The following ADGRL3 variants were observed in gnomAD, a reference collection of about 807,000 sequenced individuals.
The protein encoded by ADGRL3 is adhesion G protein-coupled receptor L3.
ADGRL3 carries 62 observed loss-of-function variants against 153.5 expected under a neutral mutation model. The observed-to-expected ratio is 0.40, with a 90% CI of 0.33 to 0.50. ADGRL3 has a LOEUF of 0.50. Ranked by LOEUF, ADGRL3 falls within the 20% of genes least tolerant of loss-of-function variation. The pLI is 0.47. For synonymous variants in ADGRL3, 710 were observed against 672.5 expected, an observed-to-expected ratio of 1.06 and a Z score of -0.86; for missense variants, 1,641 against 1,859.4, an observed-to-expected ratio of 0.88 and a Z score of 2.16.
At chr4:61,936,621 T>TA (rs1352407566) in intron 15 of ADGRL3, among the ~76,000 whole-genome samples, 1 of 152,010 alleles carries the variant, frequency 6.6e-6, no homozygotes, top group Non-Finnish European at 1.5e-5. Context: ...TCACTAATAT[T>TA]AAAAAATGTT....
At chr4:61,653,166 TCTCTCACACACA>T (rs1172292835) in intron 5 of ADGRL3, among the ~76,000 whole-genome samples, 3,041 of 135,048 alleles carry the variant, frequency 0.023, 96 homozygotes, top group African/African-American at 0.082. Context: ...TCTCTCTCTC[TCTCTCACACACA>T]CACACACACA....
intron 5 of ADGRL3, among the ~76,000 whole-genome samples, chr4:61,664,103 T>C (rs2094701675): frequency 6.6e-6 from 1 of 152,316 alleles, no homozygotes; most frequent in East Asian, 1.9e-4. Context: ...GATCTATACC[T>C]GCACAGTATC....
chr4:61,550,996 G>A (rs968808815), intron 4 of ADGRL3, among the ~76,000 whole-genome samples: 1 of 152,108 alleles, frequency 6.6e-6, no homozygotes, highest in Non-Finnish European at 1.5e-5. Context: ...CAGCTTGTAT[G>A]TGTATGTGTG....
intron 11 of ADGRL3, among the ~76,000 whole-genome samples, chr4:61,900,626 A>G (rs1007030114): frequency 6.6e-6 from 1 of 152,160 alleles, no homozygotes; most frequent in South Asian, 2.1e-4. Flanking sequence ...AATGAGATAG[A>G]GAAAAAAGAG....
At chr4:61,586,920 T>C (rs2149351557) in intron 4 of ADGRL3, among the ~76,000 whole-genome samples, 1 of 152,172 alleles carries the variant, frequency 6.6e-6, no homozygotes, top group East Asian at 1.9e-4. Context: ...CTGGATGATA[T>C]TTCTATCTAG....
chr4:61,391,855 C>CTTTTTTT lies in ADGRL3; in HGVS notation c.-174+8682_-174+8688dup, dbSNP rs869176171. 1.9e-4 allele frequency among the ~76,000 whole-genome samples: 18 copies of CTTTTTTT among 93,630 alleles called. 3 individuals are homozygous for CTTTTTTT. The highest frequency in any genetic ancestry group is 3.9e-4 in the South Asian group (1 of 2,580). The allele number at this position is 93,630 out of a possible 152,430, so 61.4% of individuals were successfully genotyped here. On this transcript the variant is annotated intron_variant, in intron 2 of 26. Coordinates refer to ENST00000683033, the MANE Select transcript of ADGRL3 (RefSeq NM_001387552.1). ...AAAATTATCCAAGTGAAAAATGCTA[C>CTTTTTTT]TTTTTTTTTTTTTTTTTTTTTTGAG...
At chr4:62,008,297 G>A (rs920484646) in intron 21 of ADGRL3, among the ~76,000 whole-genome samples, 1 of 152,000 alleles carries the variant, frequency 6.6e-6, no homozygotes, top group African/African-American at 2.4e-5. Context: ...TTTTAATTTG[G>A]TAAGAATACA....
intron 3 of ADGRL3, among the ~76,000 whole-genome samples, chr4:61,505,228 G>A (rs1049538185): frequency 3.3e-5 from 5 of 152,004 alleles, no homozygotes; most frequent in Non-Finnish European, 7.4e-5. Flanking sequence ...TCATTTACCC[G>A]TTGATCATTT....
chr4:61,869,991 G>GAAA (rs2098433593), intron 9 of ADGRL3, among the ~76,000 whole-genome samples: 1 of 80,934 alleles, frequency 1.2e-5, no homozygotes, highest in African/African-American at 4.1e-5. Flanking sequence ...AGAGAGAGAG[G>GAAA]GAGAGAGAGA....
chr4:61,446,963 T>C (rs950934360), intron 2 of ADGRL3, among the ~76,000 whole-genome samples: 2 of 152,152 alleles, frequency 1.3e-5, no homozygotes, highest in Non-Finnish European at 2.9e-5. Context: ...CTTGTATGCA[T>C]ACCCCTGCTC....
At chr4:61,477,595 A>T (rs1464535538) in intron 2 of ADGRL3, among the ~76,000 whole-genome samples, 1 of 152,166 alleles carries the variant, frequency 6.6e-6, no homozygotes, top group African/African-American at 2.4e-5. Context: ...TCTCTGAGAC[A>T]TTTGGCTAAT....
At chr4:61,645,885 C>A (rs1271021833) in intron 5 of ADGRL3, among the ~76,000 whole-genome samples, 1 of 152,170 alleles carries the variant, frequency 6.6e-6, no homozygotes, top group African/African-American at 2.4e-5. Flanking sequence ...GAGTGTTTTC[C>A]AACTTGGTTC....
intron 1 of ADGRL3, among the ~76,000 whole-genome samples, chr4:61,375,181 T>C (rs1284416019): frequency 6.6e-6 from 1 of 152,128 alleles, no homozygotes; most frequent in Non-Finnish European, 1.5e-5. Context: ...CTGTAGAAGG[T>C]ATTTGGTAGC....
chr4:61,401,919 A>G (rs1003124240), intron 2 of ADGRL3, among the ~76,000 whole-genome samples: 7 of 152,060 alleles, frequency 4.6e-5, no homozygotes, highest in Non-Finnish European at 4.4e-5. Flanking sequence ...TTTTGAGTAA[A>G]GGGCCAGATA....
At chr4:61,641,398 C>A (rs1484926864) in intron 5 of ADGRL3, among the ~76,000 whole-genome samples, 1 of 151,558 alleles carries the variant, frequency 6.6e-6, no homozygotes, top group Non-Finnish European at 1.5e-5. Context: ...AACTCCTCCT[C>A]TAGCGTTAGG....
At chr4:61,747,289 A>T (rs966503462) in intron 8 of ADGRL3, among the ~76,000 whole-genome samples, 39 of 150,464 alleles carry the variant, frequency 2.6e-4, no homozygotes, top group Non-Finnish European at 4.9e-4. Flanking sequence ...ACAAGGAGGA[A>T]CTGGTACCAT....
intron 1 of ADGRL3, among the ~76,000 whole-genome samples, chr4:61,297,767 G>A (rs1377786377): frequency 6.6e-6 from 1 of 151,346 alleles, no homozygotes; most frequent in Non-Finnish European, 1.5e-5. Flanking sequence ...AATACCCTCT[G>A]GAATGTTACT....
intron 2 of ADGRL3, among the ~76,000 whole-genome samples, chr4:61,435,877 G>C (rs575785559): frequency 6.6e-6 from 1 of 150,720 alleles, no homozygotes; most frequent in Non-Finnish European, 1.5e-5. Flanking sequence ...AATCTGCATT[G>C]TCTCAGTTTC....
chr4:61,350,072 T>C (rs1380018563), intron 1 of ADGRL3, among the ~76,000 whole-genome samples: 1 of 152,126 alleles, frequency 6.6e-6, no homozygotes, highest in Non-Finnish European at 1.5e-5. Context: ...CAAATATATA[T>C]TGAACACTTA....
Sources: allele counts gnomAD v4.1 joint callset (sites outside exome capture counted in the v4.1 genomes callset), GRCh38; gene constraint gnomAD v4.1.1; transcripts MANE v1.5; gene names NCBI Gene and HGNC (gene_info 2026-07-23, HGNC 2026-07-21).